The following EPC2 variants were observed in gnomAD, a reference collection of about 807,000 sequenced individuals.
The protein encoded by EPC2 is enhancer of polycomb homolog 2.
Under a neutral mutation model 92.1 loss-of-function variants are expected in EPC2, and 14 were observed. That is an observed-to-expected ratio of 0.15 (90% CI 0.10 to 0.24). The LOEUF (loss-of-function observed/expected upper bound fraction) is 0.24. Ranked by LOEUF, EPC2 falls within the 10% of genes least tolerant of loss-of-function variation. The pLI, the probability that EPC2 is intolerant of heterozygous loss-of-function variation, is 1.00. For synonymous variants in EPC2, 340 were observed against 334.7 expected (o/e 1.02, Z -0.17); for missense variants, 755 against 971.5 (o/e 0.78, Z 2.96).
chr2:148,690,465 T>A (rs1681624133), intron 2 of EPC2, 92 bp downstream of exon 2: 14 of 1,177,760 alleles, frequency 1.2e-5, no homozygotes, highest in Non-Finnish European at 1.7e-5. Flanking sequence ...TCTGATTTTT[T>A]AATTCATACA....
chr2:148,762,814 C>T lies in EPC2; in HGVS notation c.948+12C>T. On this transcript the variant is annotated intron_variant, in intron 6 of 13. Coordinates refer to ENST00000258484, the MANE Select transcript of EPC2 (RefSeq NM_015630.4). ...AATGTAAAACTAAGGTGAATATTGT[C>T]TGGGAAGAAGCATGTATGGATGGTA... The T allele has an allele frequency of 6.3e-7, 1 of 1,594,458 alleles. No homozygotes were observed. The highest frequency in any genetic ancestry group is 8.5e-7 in the Non-Finnish European group (1 of 1,172,686).
At chr2:148,733,808 A>T (rs984862326) in intron 2 of EPC2, among the ~76,000 whole-genome samples, 3 of 152,040 alleles carry the variant, frequency 2.0e-5, no homozygotes, top group African/African-American at 4.8e-5. Context: ...TATTACTTTT[A>T]AAATTATCCA....
At chr2:148,776,856 C>CTTTTTTTTTTTTTTTT (rs56073706) in intron 10 of EPC2, among the ~76,000 whole-genome samples, 15 of 101,022 alleles carry the variant, frequency 1.5e-4, no homozygotes, top group African/African-American at 2.6e-4. Context: ...GTCTCTCTCT[C>CTTTTTTTTTTTTTTTT]TTTTTTTTTT....
At chr2:148,759,865 G>A (rs1359416346) in intron 4 of EPC2, among the ~76,000 whole-genome samples, 2 of 152,070 alleles carry the variant, frequency 1.3e-5, no homozygotes, top group Admixed American at 1.3e-4. Context: ...AAACAAAAAG[G>A]TTTTGTTTTT....
Position 148,695,727 on chromosome 2 carries a change from T to TA in EPC2, c.313+5355dup, listed in dbSNP as rs141206636. Among the ~76,000 whole-genome samples, 349 of 152,344 alleles carry TA rather than the reference T, an allele frequency of 2.3e-3. 14 individuals carry two copies. In the East Asian group the frequency reaches 0.06, roughly 26 times the overall value. On this transcript the variant is annotated intron_variant, in intron 2 of 13. Transcript: ENST00000258484. ...TTGTTTATACAGTAAGACTTATTGG[T>TA]AGAAAGGATGCATTCCAGGAACATC...
At chr2:148,722,267 G>C (rs1558820433) in intron 2 of EPC2, among the ~76,000 whole-genome samples, 1 of 152,058 alleles carries the variant, frequency 6.6e-6, no homozygotes, top group African/African-American at 2.4e-5. Context: ...CCCCCCTTAG[G>C]GTGGGACAGG....
chr2:148,756,736 C>A (rs1032767510), intron 4 of EPC2, among the ~76,000 whole-genome samples: 1 of 152,238 alleles, frequency 6.6e-6, no homozygotes, highest in African/African-American at 2.4e-5. Context: ...TGCCTTCTCT[C>A]TTCCCTCTGT....
chr2:148,664,142 T>G (rs777428569), intron 1 of EPC2, among the ~76,000 whole-genome samples: 3 of 152,198 alleles, frequency 2.0e-5, no homozygotes, highest in African/African-American at 2.4e-5. Context: ...AATTAGAGCT[T>G]AATATTTTAT....
intron 2 of EPC2, among the ~76,000 whole-genome samples, chr2:148,725,798 T>A (rs1027049199): frequency 6.6e-5 from 10 of 152,156 alleles, no homozygotes; most frequent in Admixed American, 6.5e-5. Flanking sequence ...TGGTTTTTTT[T>A]ATGCTTTATT....
At chr2:148,760,792 A>G (rs927281893) in intron 4 of EPC2, among the ~76,000 whole-genome samples, 3 of 152,214 alleles carry the variant, frequency 2.0e-5, no homozygotes, top group Non-Finnish European at 2.9e-5. Context: ...GAAAAAGAGT[A>G]TAACTTTGAC....
chr2:148,775,284 T>TA (rs2105435091), intron 10 of EPC2, among the ~76,000 whole-genome samples: 1 of 152,228 alleles, frequency 6.6e-6, no homozygotes, highest in South Asian at 2.1e-4. Context: ...AGACAATCCT[T>TA]ACCTTCAAGG....
chr2:148,783,500 T>TTAGA, intron 11 of EPC2, 97 bp from the exon 12 acceptor site: 1 of 1,160,616 alleles, frequency 8.6e-7, no homozygotes, highest in African/African-American at 1.5e-5. Context: ...TTGTTCAAGG[T>TTAGA]TAGAAAGGCA....
intron 1 of EPC2, among the ~76,000 whole-genome samples, chr2:148,683,616 T>C (rs1242439278): frequency 2.0e-5 from 3 of 152,202 alleles, no homozygotes; most frequent in African/African-American, 4.8e-5. Flanking sequence ...CTCCCACTTA[T>C]AAATAATAAC....
chr2:148,690,472 T>C, intron 2 of EPC2, 99 bp downstream of exon 2: 1 of 1,072,494 alleles, frequency 9.3e-7, no homozygotes, highest in Admixed American at 2.6e-5. Context: ...TTTTAATTCA[T>C]ACACACTGAT....
chr2:148,732,368 CT>C (rs1331515000), intron 2 of EPC2, among the ~76,000 whole-genome samples: 26 of 148,354 alleles, frequency 1.8e-4, no homozygotes, highest in African/African-American at 6.2e-4. Flanking sequence ...TGATTCCATT[CT>C]GTTATTTTTG....
At position 148,710,398 on chromosome 2, in the gene EPC2, G is replaced by T. The variant is rs192229426; in HGVS notation, c.313+20025G>T. On this transcript the variant is annotated intron_variant, in intron 2 of 13. Transcript: ENST00000258484. ...AAATAGGAACACTTTTACACTGTTG[G>T]TGGGATTGTAAACTAGTTCAACCAT... 6.5e-3 allele frequency among the ~76,000 whole-genome samples: 990 copies of T among 152,340 alleles called. 54 individuals carry two copies. The highest frequency in any genetic ancestry group is 0.055 in the Admixed American group (835 of 15,308).
At chr2:148,701,436 T>G (rs903052712) in intron 2 of EPC2, among the ~76,000 whole-genome samples, 11 of 152,202 alleles carry the variant, frequency 7.2e-5, no homozygotes, top group African/African-American at 2.2e-4. Context: ...TTCTCCTCTA[T>G]TCTTAGTTTG....
At chr2:148,740,761 G>A (rs1200442734) in intron 2 of EPC2, among the ~76,000 whole-genome samples, 4 of 152,116 alleles carry the variant, frequency 2.6e-5, no homozygotes, top group African/African-American at 7.2e-5. Context: ...TCAGTATATT[G>A]TGTTAACTCT....
Position 148,785,001 on chromosome 2 carries a change from G to T in EPC2, c.2351G>T (p.Arg784Ile). ...AGCAGTGCCATCAGCAGCATAGCAA[G>T]GTGTGTGTGTGTGTTTCAGTGATTT... ...TPSSAISSIA[R>I]ENHEPERLGL... Residue 784 changes from arginine (R) to isoleucine (I), a missense_variant and splice_region_variant, in exon 13 of 14, where the codon AGA (arginine) becomes ATA (isoleucine). Coordinates refer to ENST00000258484, the MANE Select transcript of EPC2 (RefSeq NM_015630.4). 1 of 1,497,980 alleles carries T rather than the reference G, an allele frequency of 6.7e-7. No homozygotes were observed. The highest frequency in any genetic ancestry group is 2.4e-5 in the East Asian group (1 of 42,532). The allele number at this position is 1,497,980 out of a possible 1,614,324, so 92.8% of individuals were successfully genotyped here. A position where few individuals can be genotyped will look rare whatever the true frequency, so the allele number is the denominator to read the frequency against.
Sources: gnomAD v4.1 joint callset for allele counts (sites outside exome capture counted in the v4.1 genomes callset) on GRCh38, gnomAD v4.1.1 for gene constraint, MANE v1.5 for transcripts, NCBI Gene and HGNC (gene_info 2026-07-23, HGNC 2026-07-21) for gene names.